Variants in NBAS observed in about 807,000 individuals in gnomAD.
The protein encoded by NBAS is NBAS subunit of NRZ tethering complex, also known as NAG/BC035112 fusion.
In NBAS, 219 loss-of-function variants were observed where a neutral mutation model predicts 302.5. The ratio of observed to expected loss-of-function variants is 0.72; its 90% CI spans 0.65 to 0.81. The LOEUF (loss-of-function observed/expected upper bound fraction) is 0.81, where lower values mean the gene tolerates loss of function less well. Ranked by LOEUF, NBAS falls within the 30% of genes least tolerant of loss-of-function variation. The pLI is 0.00. For missense variants in NBAS, 2,932 were observed against 2,841.6 expected, an observed-to-expected ratio of 1.03 and a Z score of -0.72; for synonymous variants, 1,118 against 1,021.6, an observed-to-expected ratio of 1.09 and a Z score of -1.80.
the NBAS span, among the ~76,000 whole-genome samples, chr2:15,008,335 T>C: frequency 3.9e-5 from 6 of 152,204 alleles, no homozygotes; most frequent in Non-Finnish European, 8.8e-5. Context: ...CAAAGACCCA[T>C]TCCTCTTGGA....
At position 15,467,346 on chromosome 2, in the gene NBAS, G is replaced by A. The variant is rs1449768284; in HGVS notation, c.2080C>T (p.Arg694Ter). ...CRRKLLTYLD[R>*]LATYEEILGV... ...TTCATTACCTCATATGTTGCAAGTC[G>A]ATCTAAGTAGGTTAATAACTTCCGT... The change falls in exon 19 of 52, where the codon CGA becomes TGA. Residue 694 changes from arginine to a stop codon, truncating the protein, a stop_gained. Transcript: ENST00000281513. LOFTEE classifies it high-confidence loss of function. The A allele has an allele frequency of 1.6e-5, 25 of 1,612,414 alleles. No individual in the cohort carries two copies. The highest frequency in any genetic ancestry group is 2.1e-5 in the Non-Finnish European group (25 of 1,178,790).
At position 15,396,458 on chromosome 2, in the gene NBAS, G is replaced by C. The variant is rs770053089; in HGVS notation, c.3089C>G (p.Thr1030Ser). ...ERGYGDKTEA[T>S]TKLHDMVDQL... ...GTCTACCATGTCATGAAGCTTTGTG[G>C]TTGCCTCTGTCTTATCACTAATAAA... Residue 1030 changes from threonine to serine, a missense_variant, in exon 27 of 52, where the codon ACC becomes AGC. By Grantham distance (58) the Thr-to-Ser change is moderately conservative. Coordinates refer to ENST00000281513, the MANE Select transcript of NBAS (RefSeq NM_015909.4). 4 of 1,600,628 alleles carry C rather than the reference G, an allele frequency of 2.5e-6. No homozygotes were observed. Among genetic ancestry groups the C allele is most frequent in the Non-Finnish European group, 3.4e-6 (4 of 1,174,540 alleles).
chr2:15,433,074 C>T (rs1345628178), intron 21 of NBAS, among the ~76,000 whole-genome samples: 4 of 152,176 alleles, frequency 2.6e-5, no homozygotes, highest in Admixed American at 2.6e-4. Context: ...CTCTGGGACC[C>T]AGCTGCCTCA....
At chr2:15,358,446 A>G (rs1416281812) in intron 32 of NBAS, among the ~76,000 whole-genome samples, 1 of 151,848 alleles carries the variant, frequency 6.6e-6, no homozygotes, top group Admixed American at 6.6e-5. Context: ...GCCCGTGTGC[A>G]TGTATTTATT....
chr2:15,206,593 G>A (rs140307144), intron 48 of NBAS, among the ~76,000 whole-genome samples: 212 of 152,346 alleles, frequency 1.4e-3, no homozygotes, highest in African/African-American at 4.2e-3. Context: ...GCCCTAGGAG[G>A]GAAAAATGGT....
chr2:15,225,538 T>A (rs1266000497), intron 47 of NBAS, among the ~76,000 whole-genome samples: 1 of 152,146 alleles, frequency 6.6e-6, no homozygotes, highest in Non-Finnish European at 1.5e-5. Flanking sequence ...CTTTTCACTT[T>A]AAAAACAATG....
the NBAS span, among the ~76,000 whole-genome samples, chr2:14,975,337 T>G: frequency 6.6e-6 from 1 of 152,226 alleles, no homozygotes. Context: ...CCTCCATTAA[T>G]ATGAAGTCAC....
chr2:15,076,889 T>C, the NBAS span, among the ~76,000 whole-genome samples: 15 of 152,196 alleles, frequency 9.9e-5, no homozygotes, highest in African/African-American at 3.4e-4. Flanking sequence ...GATTGTTGCA[T>C]CATAATTCAA....
chr2:15,546,415 C>G (rs1022139320), intron 6 of NBAS, among the ~76,000 whole-genome samples: 1 of 152,134 alleles, frequency 6.6e-6, no homozygotes. Flanking sequence ...AATTCTGGAA[C>G]AAAATGCTTC....
chr2:15,462,440 T>C (rs1164270506), intron 19 of NBAS, among the ~76,000 whole-genome samples: 2 of 152,138 alleles, frequency 1.3e-5, no homozygotes, highest in African/African-American at 4.8e-5. Context: ...CAAGTGTAGG[T>C]CTCCCTACTA....
chr2:15,258,965 G>A (rs1453929143), intron 44 of NBAS, among the ~76,000 whole-genome samples: 8 of 152,064 alleles, frequency 5.3e-5, no homozygotes, highest in Non-Finnish European at 7.4e-5. Context: ...CACCCCTAGC[G>A]GCCCAGCTGT....
chr2:15,201,158 C>T (rs905248811), intron 48 of NBAS, among the ~76,000 whole-genome samples: 3 of 152,146 alleles, frequency 2.0e-5, no homozygotes, highest in African/African-American at 7.2e-5. Context: ...AGCTGTTAGC[C>T]TGCTCCTAAG....
At chr2:15,194,456 C>T (rs1005479742) in intron 48 of NBAS, among the ~76,000 whole-genome samples, 1 of 151,988 alleles carries the variant, frequency 6.6e-6, no homozygotes, top group Non-Finnish European at 1.5e-5. Context: ...TCTGGCAAAG[C>T]TATTCTTCAG....
At chr2:14,790,892 G>C in the NBAS span, among the ~76,000 whole-genome samples, 1 of 151,990 alleles carries the variant, frequency 6.6e-6, no homozygotes, top group Non-Finnish European at 1.5e-5. Context: ...TTTCGCTCTT[G>C]TTGCCCAGAC....
At chr2:15,121,695 T>C in the NBAS span, among the ~76,000 whole-genome samples, 2 of 152,062 alleles carry the variant, frequency 1.3e-5, no homozygotes, top group Admixed American at 6.6e-5. Context: ...GATATTTTTA[T>C]ATCATGTTAC....
At chr2:14,940,969 C>T in the NBAS span, among the ~76,000 whole-genome samples, 1 of 152,230 alleles carries the variant, frequency 6.6e-6, no homozygotes, top group Non-Finnish European at 1.5e-5. Flanking sequence ...CTAGCCCAGT[C>T]CTTCTAAATA....
the NBAS span, among the ~76,000 whole-genome samples, chr2:14,819,251 G>A: frequency 4.6e-5 from 7 of 152,168 alleles, no homozygotes; most frequent in Non-Finnish European, 8.8e-5. Context: ...ACTTTTGTAG[G>A]TAGATCCCAT....
intron 40 of NBAS, among the ~76,000 whole-genome samples, chr2:15,307,297 A>G (rs1419018397): frequency 6.6e-6 from 1 of 152,220 alleles, no homozygotes; most frequent in Non-Finnish European, 1.5e-5. Flanking sequence ...ATGGCGAGAT[A>G]TGAAAGGTGG....
At chr2:15,477,564 G>GT (rs549396385) in intron 13 of NBAS, among the ~76,000 whole-genome samples, 179 of 152,222 alleles carry the variant, frequency 1.2e-3, no homozygotes, top group African/African-American at 3.9e-3. Context: ...AAAGCATATT[G>GT]TAATAACAGA....
Sources: allele counts gnomAD v4.1 joint callset (sites outside exome capture counted in the v4.1 genomes callset), GRCh38; gene constraint gnomAD v4.1.1; transcripts MANE v1.5; gene names NCBI Gene and HGNC (gene_info 2026-07-23, HGNC 2026-07-21).